The following MCCC1 variants were observed in gnomAD, a reference collection of about 807,000 sequenced individuals.
MCCC1 encodes methylcrotonyl-CoA carboxylase subunit 1.
Under a neutral mutation model 83.8 loss-of-function variants are expected in MCCC1, and 64 were observed. The ratio of observed to expected loss-of-function variants is 0.76; its 90% confidence interval spans 0.62 to 0.94. The LOEUF (loss-of-function observed/expected upper bound fraction) is 0.94, where lower values mean the gene tolerates loss of function less well. MCCC1 is among the 40% of genes least tolerant of loss of function. The pLI is 0.00. For missense variants in MCCC1, 807 were observed against 904.7 expected, an observed-to-expected ratio of 0.89 and a Z score of 1.39; for synonymous variants, 322 against 315.4, an observed-to-expected ratio of 1.02 and a Z score of -0.22.
chr3:183,111,095 T>A (rs1719485885), intron 1 of MCCC1, among the ~76,000 whole-genome samples: 1 of 152,198 alleles, frequency 6.6e-6, no homozygotes, highest in Admixed American at 6.5e-5. Flanking sequence ...TTTGCTTGTG[T>A]CTCTTTGGGA....
chr3:183,099,839 G>A (rs1032139517), upstream of MCCC1, among the ~76,000 whole-genome samples: 1 of 152,162 alleles, frequency 6.6e-6, no homozygotes, highest in African/African-American at 2.4e-5. Context: ...AGCCAAATGC[G>A]GATGGACAGC....
At chr3:183,099,272 C>T (rs1481834248) in intron 1 of MCCC1, 80 bp downstream of exon 1, 4 of 1,498,188 alleles carry the variant, frequency 2.7e-6, no homozygotes, top group Admixed American at 3.9e-5. Context: ...CTGGGTTCCG[C>T]CGCACCTCCC....
chr3:183,031,802 T>C (rs1261905607), intron 14 of MCCC1, among the ~76,000 whole-genome samples: 2 of 127,214 alleles, frequency 1.6e-5, no homozygotes, highest in South Asian at 2.9e-4. Context: ...CTGGCACTTC[T>C]GGTATCTTTT....
chr3:183,113,501 A>C (rs1484560130), intron 1 of MCCC1, among the ~76,000 whole-genome samples: 1 of 151,848 alleles, frequency 6.6e-6, no homozygotes, highest in East Asian at 1.9e-4. Context: ...CCAACATGGC[A>C]CATGTATACA....
intron 14 of MCCC1, among the ~76,000 whole-genome samples, chr3:183,032,873 CAAAAA>C (rs374480916): frequency 3.5e-5 from 4 of 115,524 alleles, no homozygotes; most frequent in African/African-American, 1.3e-4. Context: ...GAGTCTGTGT[CAAAAA>C]AAAAAAAAAA....
intron 11 of MCCC1, 127 bp from the exon 12 acceptor site, chr3:183,039,262 C>G: frequency 1.0e-6 from 1 of 971,900 alleles, no homozygotes; most frequent in Non-Finnish European, 1.6e-6. Context: ...TAAATAACAA[C>G]ACAAATTTAT....
chr3:183,027,089 A>G (rs1259635227), intron 14 of MCCC1, among the ~76,000 whole-genome samples: 2 of 152,186 alleles, frequency 1.3e-5, no homozygotes, highest in African/African-American at 2.4e-5. Flanking sequence ...TTAAATTATT[A>G]TATCTGTGAC....
chr3:183,049,579 A>G (rs1442093460), intron 9 of MCCC1, among the ~76,000 whole-genome samples: 1 of 151,812 alleles, frequency 6.6e-6, no homozygotes, highest in African/African-American at 2.4e-5. Context: ...TCAAAAAAAA[A>G]AAAAAGAAAA....
intron 3 of MCCC1, chr3:183,091,037 A>G (rs1718291920): frequency 2.2e-6 from 1 of 456,702 alleles, no homozygotes; most frequent in Non-Finnish European, 4.4e-6. Flanking sequence ...TCCTGCTGCA[A>G]AAAGGTGGGT....
At chr3:183,017,450 T>G in intron 17 of MCCC1, 113 bp from the exon 18 acceptor site, 1 of 930,914 alleles carries the variant, frequency 1.1e-6, no homozygotes, top group Non-Finnish European at 1.7e-6. Context: ...AACATCATGT[T>G]GCAAACCATG....
chr3:183,099,162 G>A, intron 1 of MCCC1, 190 bp downstream of exon 1: 1 of 641,656 alleles, frequency 1.6e-6, no homozygotes, highest in South Asian at 1.8e-5. Context: ...GGGGAGAAAG[G>A]GAAGGGCTGG....
chr3:183,078,105 C>T (rs1717216073), intron 4 of MCCC1, among the ~76,000 whole-genome samples: 1 of 152,134 alleles, frequency 6.6e-6, no homozygotes, highest in Non-Finnish European at 1.5e-5. Flanking sequence ...CTGCAACCTC[C>T]ACCTCCTGGG....
At chr3:183,114,610 A>G (rs942804008) in intron 1 of MCCC1, among the ~76,000 whole-genome samples, 4 of 152,070 alleles carry the variant, frequency 2.6e-5, no homozygotes, top group Non-Finnish European at 5.9e-5. Context: ...GGTGTGAAAG[A>G]AGAAGTAAGA....
intron 11 of MCCC1, among the ~76,000 whole-genome samples, chr3:183,040,744 A>C (rs1364470783): frequency 1.3e-5 from 2 of 151,108 alleles, no homozygotes. Context: ...AAACAAAAAA[A>C]CAAACAAACA....
intron 7 of MCCC1, among the ~76,000 whole-genome samples, chr3:183,069,353 G>A (rs1716484755): frequency 6.6e-6 from 1 of 152,118 alleles, no homozygotes; most frequent in African/African-American, 2.4e-5. Flanking sequence ...AGCTATTGAT[G>A]TCTCTGAAAT....
intron 1 of MCCC1, among the ~76,000 whole-genome samples, chr3:183,107,661 G>A (rs910215357): frequency 6.6e-5 from 10 of 151,784 alleles, no homozygotes; most frequent in South Asian, 2.1e-4. Flanking sequence ...TCATGCCTCA[G>A]CCTCCCAAGT....
In MCCC1 at chr3:183,061,159, G is replaced by C. The variant is rs115197994; in HGVS notation, c.762-3737C>G. The stretch of plus-strand genomic sequence containing the variant: ...TTTAGACCATTGCAACATGGTGGTA[G>C]GGTATGGGGGAGGGAAAGCATTCTA... On this transcript the variant is annotated intron_variant, in intron 7 of 18. Coordinates refer to ENST00000265594, the MANE Select transcript of MCCC1 (RefSeq NM_020166.5). 7.4e-3 allele frequency among the ~76,000 whole-genome samples: 1,120 copies of C among 152,258 alleles called. 11 individuals are homozygous for C. Among genetic ancestry groups the C allele is most frequent in the African/African-American group, 0.026 (1,076 of 41,544 alleles).
chr3:183,094,549 C>T lies in MCCC1; in HGVS notation c.136+10G>A. ...GCAAAATCAAATAGAACAACAAAGT[C>T]TGTCAGTACCTGTGGCTGTTGTGTA... On this transcript the variant is annotated intron_variant, in intron 2 of 18. Transcript: ENST00000265594. The T allele has an allele frequency of 6.2e-7, 1 of 1,614,028 alleles. No homozygotes were observed. Among genetic ancestry groups the T allele is most frequent in the Non-Finnish European group, 8.5e-7 (1 of 1,179,878 alleles).
intron 7 of MCCC1, among the ~76,000 whole-genome samples, chr3:183,067,151 TG>T (rs1279865552): frequency 1.3e-5 from 2 of 152,326 alleles, no homozygotes; most frequent in Middle Eastern, 3.4e-3. Flanking sequence ...TAAAAGCCCC[TG>T]GGGAAAACTG....
Sources: allele counts gnomAD v4.1 joint callset (sites outside exome capture counted in the v4.1 genomes callset), GRCh38; gene constraint gnomAD v4.1.1; transcripts MANE v1.5; gene names NCBI Gene and HGNC (gene_info 2026-07-23, HGNC 2026-07-21).